The following FOCAD variants were observed in gnomAD, a reference collection of about 807,000 sequenced individuals.
The protein encoded by FOCAD is focadhesin, also known as KIAA1797.
FOCAD carries 198 observed loss-of-function variants against 225.6 expected under a neutral mutation model. The observed-to-expected ratio is 0.88, with a 90% CI of 0.78 to 0.99. FOCAD has a LOEUF of 0.99. Among genes scored for constraint, FOCAD ranks in the 50% least tolerant of loss-of-function variants. FOCAD has a pLI of 0.00. For synonymous variants in FOCAD, 897 were observed against 755.0 expected (o/e 1.19, Z -3.08); for missense variants, 2,713 against 2,123.6 (o/e 1.28, Z -5.46).
At chr9:20,705,637 A>G (rs1359632185) in intron 1 of FOCAD, among the ~76,000 whole-genome samples, 3 of 152,052 alleles carry the variant, frequency 2.0e-5, no homozygotes, top group Admixed American at 2.0e-4. Flanking sequence ...TTATATGAAC[A>G]TGAAGTCTTT....
At chr9:20,968,064 C>A (rs1445340515) in intron 35 of FOCAD, among the ~76,000 whole-genome samples, 2 of 152,104 alleles carry the variant, frequency 1.3e-5, no homozygotes, top group Non-Finnish European at 2.9e-5. Flanking sequence ...GGAGAATTCA[C>A]CAATGAAGCC....
At position 20,675,963 on chromosome 9, in the gene FOCAD, C is replaced by A. The variant is rs559818012; in HGVS notation, c.-78+17137C>A. 7.2e-5 allele frequency among the ~76,000 whole-genome samples: 11 copies of A among 152,262 alleles called. No individual in the cohort carries two copies. The South Asian group carries it at 2.3e-3, about 32-fold the overall frequency. On this transcript the variant is annotated intron_variant, in intron 2 of 45. Coordinates refer to the FOCAD transcript ENST00000380249. The stretch of plus-strand genomic sequence containing the variant: ...GCCTCTATGAATCGTCTGCGTAGAA[C>A]AACTATGGGCAAATATATTTTCAAA...
intron 4 of FOCAD, among the ~76,000 whole-genome samples, chr9:20,734,872 A>G (rs1827010817): frequency 1.3e-5 from 2 of 152,150 alleles, no homozygotes; most frequent in Admixed American, 1.3e-4. Context: ...CCTGGGCCCA[A>G]GCGATTCGCC....
chr9:20,932,991 G>T (rs557912240), intron 27 of FOCAD, 23 bp from the exon 28 acceptor site: 7 of 1,552,616 alleles, frequency 4.5e-6, no homozygotes, highest in Non-Finnish European at 4.4e-6. Flanking sequence ...ATAATTCATT[G>T]TTTCCCCTTG....
chr9:20,718,522 G>C (rs1249109813), intron 3 of FOCAD, among the ~76,000 whole-genome samples: 1 of 152,146 alleles, frequency 6.6e-6, no homozygotes, highest in Non-Finnish European at 1.5e-5. Context: ...TTTCACAGCA[G>C]AAATAAATTG....
At chr9:20,807,681 C>T (rs573617685) in intron 11 of FOCAD, among the ~76,000 whole-genome samples, 1 of 152,248 alleles carries the variant, frequency 6.6e-6, no homozygotes, top group South Asian at 2.1e-4. Context: ...AAGCTAGTGG[C>T]TACTATGTTG....
chr9:20,956,284 C>T (rs1838130180), intron 35 of FOCAD, among the ~76,000 whole-genome samples: 1 of 152,166 alleles, frequency 6.6e-6, no homozygotes, highest in Non-Finnish European at 1.5e-5. Flanking sequence ...CTGATGAAAT[C>T]ATGGAGTTGG....
chr9:20,907,747 C>A (rs1833101675), intron 22 of FOCAD, among the ~76,000 whole-genome samples: 2 of 152,046 alleles, frequency 1.3e-5, no homozygotes, highest in Admixed American at 6.6e-5. Flanking sequence ...CCTGCCACTC[C>A]CTCTTTACCC....
intron 15 of FOCAD, among the ~76,000 whole-genome samples, chr9:20,855,737 C>T (rs1200359470): frequency 2.0e-5 from 3 of 151,304 alleles, no homozygotes; most frequent in East Asian, 3.9e-4. Flanking sequence ...CTGCTGTATT[C>T]CCCAGCTCCT....
chr9:20,968,339 T>C (rs1261249980), intron 35 of FOCAD, among the ~76,000 whole-genome samples: 1 of 151,926 alleles, frequency 6.6e-6, no homozygotes, highest in Admixed American at 6.6e-5. Context: ...ATGCTCTTTA[T>C]GTTTTTTTTC....
intron 1 of FOCAD, among the ~76,000 whole-genome samples, chr9:20,695,011 T>A (rs947296296): frequency 6.6e-6 from 1 of 152,200 alleles, no homozygotes; most frequent in Non-Finnish European, 1.5e-5. Flanking sequence ...TCCACTCCTT[T>A]TTTCCCATGT....
intron 21 of FOCAD, chr9:20,885,472 T>G (rs2131863769): frequency 4.2e-6 from 1 of 236,826 alleles, no homozygotes; most frequent in Non-Finnish European, 8.0e-6. Context: ...GAATTTGCTT[T>G]ACTTCATCAA....
At chr9:20,735,145 G>T (rs1225922082) in intron 4 of FOCAD, among the ~76,000 whole-genome samples, 1 of 152,036 alleles carries the variant, frequency 6.6e-6, no homozygotes, top group African/African-American at 2.4e-5. Context: ...TCTCTGCTCA[G>T]TTTGCTATTT....
At chr9:20,757,335 G>A (rs1049333485) in intron 5 of FOCAD, among the ~76,000 whole-genome samples, 2 of 152,182 alleles carry the variant, frequency 1.3e-5, no homozygotes, top group Admixed American at 1.3e-4. Context: ...ACAATTATTA[G>A]TAGAGTAGCC....
intron 11 of FOCAD, among the ~76,000 whole-genome samples, chr9:20,811,474 G>C (rs966635889): frequency 6.6e-6 from 1 of 152,072 alleles, no homozygotes; most frequent in African/African-American, 2.4e-5. Flanking sequence ...ACTATAGAAA[G>C]ATTGTCTGGT....
At position 20,933,109 on chromosome 9, in the gene FOCAD, T is replaced by C; in HGVS notation, c.3407+6T>C. On this transcript the variant is annotated splice_donor_region_variant and intron_variant, in intron 28 of 43. Coordinates refer to ENST00000338382, the MANE Select transcript of FOCAD (RefSeq NM_001375567.1). ...GACACTAGTCTTGAATACAAGTATG[T>C]TGTTCCTATTTCCACTCTCACAGGT... 6.2e-7 allele frequency: 1 copy of C among 1,606,274 alleles called. No homozygotes were observed. The highest frequency in any genetic ancestry group is 8.5e-7 in the Non-Finnish European group (1 of 1,172,950).
intron 15 of FOCAD, among the ~76,000 whole-genome samples, chr9:20,859,230 A>G (rs892074438): frequency 2.6e-5 from 4 of 152,086 alleles, no homozygotes; most frequent in Admixed American, 6.6e-5. Context: ...AATTAAAAAA[A>G]CATTATCTGG....
chr9:20,738,907 A>C (rs1827371167), intron 4 of FOCAD, among the ~76,000 whole-genome samples: 1 of 152,198 alleles, frequency 6.6e-6, no homozygotes, highest in African/African-American at 2.4e-5. Flanking sequence ...AATATAAAAA[A>C]TTATACATGG....
intron 1 of FOCAD, among the ~76,000 whole-genome samples, chr9:20,700,313 A>G (rs1030400478): frequency 6.6e-6 from 1 of 152,170 alleles, no homozygotes; most frequent in Non-Finnish European, 1.5e-5. Context: ...TATTAAAGTA[A>G]CAAAGACCCA....
Sources: allele counts gnomAD v4.1 joint callset (sites outside exome capture counted in the v4.1 genomes callset), GRCh38; gene constraint gnomAD v4.1.1; transcripts MANE v1.5; gene names NCBI Gene and HGNC (gene_info 2026-07-23, HGNC 2026-07-21).